The following ADAMTSL1 variants were observed in gnomAD, a reference collection of about 807,000 sequenced individuals.
ADAMTSL1 encodes ADAMTS like 1.
Under a neutral mutation model 201.8 loss-of-function variants are expected in ADAMTSL1, and 126 were observed. The observed-to-expected ratio is 0.62, with a 90% CI of 0.54 to 0.72. ADAMTSL1 has a LOEUF of 0.72. ADAMTSL1 is among the 30% of genes least tolerant of loss of function. The pLI is 0.00. For missense variants in ADAMTSL1, 2,679 were observed against 2,277.8 expected (o/e 1.18, Z -3.59); for synonymous variants, 1,121 against 903.4 (o/e 1.24, Z -4.32).
At chr9:18,817,376 C>A in intron 21 of ADAMTSL1, 139 bp downstream of exon 21, 1 of 766,844 alleles carries the variant, frequency 1.3e-6, no homozygotes, top group Non-Finnish European at 2.0e-6. Flanking sequence ...CTCAGTCGCT[C>A]TGAAAGTAGA....
At chr9:18,749,496 C>T (rs574032641) in intron 15 of ADAMTSL1, among the ~76,000 whole-genome samples, 6 of 152,286 alleles carry the variant, frequency 3.9e-5, no homozygotes, top group South Asian at 2.1e-4. Context: ...GTCCTCCTTG[C>T]ACCAGGCTTC....
chr9:18,893,360 T>G (rs1192681789), intron 26 of ADAMTSL1, among the ~76,000 whole-genome samples: 2 of 152,162 alleles, frequency 1.3e-5, no homozygotes, highest in African/African-American at 4.8e-5. Context: ...GAGGGACGTA[T>G]GGTGCACCAG....
intron 2 of ADAMTSL1, among the ~76,000 whole-genome samples, chr9:18,170,935 T>C (rs1827863092): frequency 6.6e-6 from 1 of 152,058 alleles, no homozygotes; most frequent in African/African-American, 2.4e-5. Flanking sequence ...TCAATATCCC[T>C]CAGGATAGAA....
At chr9:18,493,221 T>C (rs747009302) in intron 1 of ADAMTSL1, among the ~76,000 whole-genome samples, 5 of 152,268 alleles carry the variant, frequency 3.3e-5, no homozygotes, top group Admixed American at 6.5e-5. Flanking sequence ...TTAAAATGTG[T>C]GTTCAGATTT....
chr9:18,494,217 A>C (rs1382194545), intron 1 of ADAMTSL1, among the ~76,000 whole-genome samples: 1 of 151,986 alleles, frequency 6.6e-6, no homozygotes, highest in African/African-American at 2.4e-5. Context: ...TTACCCGGGC[A>C]TGGTGGCGGG....
At chr9:18,672,741 A>C (rs1410276206) in intron 9 of ADAMTSL1, among the ~76,000 whole-genome samples, 2 of 152,322 alleles carry the variant, frequency 1.3e-5, no homozygotes, top group African/African-American at 4.8e-5. Flanking sequence ...ATAATGTTTC[A>C]TTATATAAAC....
chr9:18,846,857 A>G (rs991892583), intron 23 of ADAMTSL1, among the ~76,000 whole-genome samples: 1 of 152,200 alleles, frequency 6.6e-6, no homozygotes, highest in Non-Finnish European at 1.5e-5. Flanking sequence ...CAGCCATAGA[A>G]TGAACAGAGT....
At chr9:18,803,043 T>C (rs989970809) in intron 20 of ADAMTSL1, among the ~76,000 whole-genome samples, 5 of 152,236 alleles carry the variant, frequency 3.3e-5, no homozygotes, top group Non-Finnish European at 7.3e-5. Flanking sequence ...AAGGTGTATA[T>C]GGCCTGCGTA....
chr9:18,121,237 T>C (rs1445400982), intron 1 of ADAMTSL1, among the ~76,000 whole-genome samples: 1 of 152,168 alleles, frequency 6.6e-6, no homozygotes, highest in Non-Finnish European at 1.5e-5. Flanking sequence ...CAGTTGTACA[T>C]AAAGAGAAAG....
chr9:18,080,861 C>T (rs1823469008), intron 1 of ADAMTSL1, among the ~76,000 whole-genome samples: 1 of 152,154 alleles, frequency 6.6e-6, no homozygotes, highest in African/African-American at 2.4e-5. Context: ...ACTCATAAAA[C>T]TTATATTTTT....
chr9:18,772,240 C>G (rs1820733905), intron 17 of ADAMTSL1, among the ~76,000 whole-genome samples: 1 of 152,070 alleles, frequency 6.6e-6, no homozygotes, highest in Non-Finnish European at 1.5e-5. Context: ...GAATTGCTCC[C>G]CTAAATCTAT....
chr9:18,235,768 A>G (rs921080919), intron 2 of ADAMTSL1, among the ~76,000 whole-genome samples: 1 of 152,140 alleles, frequency 6.6e-6, no homozygotes, highest in African/African-American at 2.4e-5. Flanking sequence ...TGCCTCCTGC[A>G]TTGATCTTAG....
intron 2 of ADAMTSL1, among the ~76,000 whole-genome samples, chr9:18,513,184 A>G (rs1036757314): frequency 3.3e-5 from 5 of 152,114 alleles, no homozygotes; most frequent in African/African-American, 1.2e-4. Context: ...CCACCATCTC[A>G]ACCAAATTTG....
chr9:18,030,087 C>G (rs1480568286), intron 1 of ADAMTSL1, among the ~76,000 whole-genome samples: 33 of 152,196 alleles, frequency 2.2e-4, no homozygotes, highest in African/African-American at 8.0e-4. Context: ...GCTATAAAGA[C>G]ACATGCACAC....
intron 1 of ADAMTSL1, among the ~76,000 whole-genome samples, chr9:17,976,106 A>G (rs1818434827): frequency 6.6e-6 from 1 of 152,094 alleles, no homozygotes; most frequent in African/African-American, 2.4e-5. Context: ...TGTGAGTACC[A>G]TACTATTTTG....
chr9:18,747,457 T>C (rs1819213925), intron 15 of ADAMTSL1, among the ~76,000 whole-genome samples: 1 of 151,970 alleles, frequency 6.6e-6, no homozygotes, highest in African/African-American at 2.4e-5. Flanking sequence ...TCTCGGTGCC[T>C]TTATGTCCAT....
At chr9:18,086,278 A>C (rs972274552) in intron 1 of ADAMTSL1, among the ~76,000 whole-genome samples, 4 of 152,312 alleles carry the variant, frequency 2.6e-5, no homozygotes, top group Admixed American at 1.3e-4. Context: ...GGGACCACCA[A>C]ATAGAGGAGG....
At chr9:18,307,581 A>G (rs1316604082) in intron 2 of ADAMTSL1, among the ~76,000 whole-genome samples, 1 of 152,188 alleles carries the variant, frequency 6.6e-6, no homozygotes, top group East Asian at 1.9e-4. Context: ...ACCAAAAAAG[A>G]TCAAAAAAGG....
intron 2 of ADAMTSL1, among the ~76,000 whole-genome samples, chr9:18,218,509 A>C (rs113280186): frequency 0.073 from 11,131 of 152,228 alleles, 559 homozygotes; most frequent in Non-Finnish European, 0.11. Flanking sequence ...AAACTGATAA[A>C]GTCTTTCTTT....
Sources: gnomAD v4.1 joint callset for allele counts (sites outside exome capture counted in the v4.1 genomes callset) on GRCh38, gnomAD v4.1.1 for gene constraint, MANE v1.5 for transcripts, NCBI Gene and HGNC (gene_info 2026-07-23, HGNC 2026-07-21) for gene names.